GRIK1: variants seen among roughly 807,000 people sequenced by gnomAD.
GRIK1 encodes the protein glutamate ionotropic receptor kainate type subunit 1.
Under a neutral mutation model 105.7 loss-of-function variants are expected in GRIK1, and 69 were observed. That is an observed-to-expected ratio of 0.65 (90% CI 0.54 to 0.80). The LOEUF (loss-of-function observed/expected upper bound fraction) is 0.80. GRIK1 is among the 30% of genes least tolerant of loss of function. The pLI, the probability that GRIK1 is intolerant of heterozygous loss-of-function variation, is 0.00. For synonymous variants in GRIK1, 438 were observed against 431.3 expected, an observed-to-expected ratio of 1.02 and a Z score of -0.19; for missense variants, 1,109 against 1,167.3, an observed-to-expected ratio of 0.95 and a Z score of 0.73.
At chr21:29,817,656 T>C (rs948358157) in intron 1 of GRIK1, among the ~76,000 whole-genome samples, 1 of 152,074 alleles carries the variant, frequency 6.6e-6, no homozygotes, top group African/African-American at 2.4e-5. Flanking sequence ...TACACATTCA[T>C]AGGGGTCATG....
chr21:29,821,368 A>G (rs1233076649), intron 1 of GRIK1, among the ~76,000 whole-genome samples: 4 of 152,104 alleles, frequency 2.6e-5, no homozygotes, highest in African/African-American at 9.7e-5. Context: ...CAAGCAATTC[A>G]ACTTTTTCTT....
chr21:29,762,577 C>T (rs2065555435), intron 1 of GRIK1, among the ~76,000 whole-genome samples: 1 of 152,156 alleles, frequency 6.6e-6, no homozygotes, highest in Non-Finnish European at 1.5e-5. Flanking sequence ...TTTTCAGGGG[C>T]TCATGCTTGC....
intron 7 of GRIK1, among the ~76,000 whole-genome samples, chr21:29,623,356 A>G (rs12106431): frequency 0.28 from 42,654 of 151,892 alleles, 7,879 homozygotes; most frequent in African/African-American, 0.53. Context: ...AATTATGGAA[A>G]CTATAATTCG....
At chr21:29,749,019 A>G (rs2065115058) in intron 1 of GRIK1, 1 of 152,220 alleles carries the variant, frequency 6.6e-6, no homozygotes, top group African/African-American at 2.4e-5. Context: ...CCTGGAAGCT[A>G]CACAAAGTCC....
intron 1 of GRIK1, among the ~76,000 whole-genome samples, chr21:29,770,545 CAG>C (rs2065789082): frequency 6.6e-6 from 1 of 152,194 alleles, no homozygotes; most frequent in Non-Finnish European, 1.5e-5. Flanking sequence ...GGCTGGAAAG[CAG>C]AGAGACTCAC....
intron 15 of GRIK1, among the ~76,000 whole-genome samples, chr21:29,560,519 C>CCTTTCTTTCTTTCTTTCTTTCTTTCTTT (rs1201508832): frequency 8.6e-5 from 5 of 57,832 alleles, no homozygotes; most frequent in East Asian, 4.4e-4. Flanking sequence ...TTCCTTCCTT[C>CCTTTCTTTCTTTCTTTCTTTCTTTCTTT]CTTTCTTTCT....
At chr21:29,919,382 G>C (rs544058525) in intron 1 of GRIK1, among the ~76,000 whole-genome samples, 10 of 152,216 alleles carry the variant, frequency 6.6e-5, no homozygotes. Context: ...AGCATGGTTT[G>C]AGTGATTTCA....
intron 7 of GRIK1, among the ~76,000 whole-genome samples, chr21:29,599,584 C>T (rs2061479639): frequency 6.6e-6 from 1 of 152,120 alleles, no homozygotes; most frequent in Admixed American, 6.5e-5. Context: ...CGAGGGAAGA[C>T]CCTATTCTTT....
At position 29,646,689 on chromosome 21, in the gene GRIK1, A is replaced by C. The variant is rs184730865; in HGVS notation, c.955-3720T>G. Among the ~76,000 whole-genome samples the C allele has an allele frequency of 1.5e-4, 23 of 152,312 alleles. No homozygotes were observed. In the East Asian group the frequency reaches 4.4e-3, roughly 29 times the overall value. ...GCTGGAGGAGATTGGGGTGCTGAAGAGAGACCTAATATTCAGAGATCAAAT... is the reference window on the plus strand; with the variant it reads ...GCTGGAGGAGATTGGGGTGCTGAAGCGAGACCTAATATTCAGAGATCAAAT... On this transcript the variant is annotated intron_variant, in intron 6 of 17. Transcript: ENST00000327783.
chr21:29,938,355 T>G (rs1330812611), intron 1 of GRIK1, among the ~76,000 whole-genome samples: 2 of 152,216 alleles, frequency 1.3e-5, no homozygotes, highest in African/African-American at 4.8e-5. Context: ...TGTGGCTCCC[T>G]CTGTGACCGT....
chr21:29,625,434 C>T (rs2062103097), intron 7 of GRIK1, among the ~76,000 whole-genome samples: 1 of 152,070 alleles, frequency 6.6e-6, no homozygotes, highest in African/African-American at 2.4e-5. Context: ...TCTGCTGATA[C>T]CATTTAACCT....
At chr21:29,834,906 G>T (rs1325568337) in intron 1 of GRIK1, among the ~76,000 whole-genome samples, 4 of 149,604 alleles carry the variant, frequency 2.7e-5, no homozygotes, top group Non-Finnish European at 5.9e-5. Flanking sequence ...GTACTGGAGG[G>T]TTTTTTGTAT....
At chr21:29,889,403 G>C (rs2069807329) in intron 1 of GRIK1, among the ~76,000 whole-genome samples, 1 of 151,972 alleles carries the variant, frequency 6.6e-6, no homozygotes, top group Non-Finnish European at 1.5e-5. Flanking sequence ...TCCTACTGTG[G>C]TTCACTCCAT....
intron 15 of GRIK1, 96 bp from the exon 16 acceptor site, chr21:29,555,398 G>T: frequency 8.8e-7 from 1 of 1,132,110 alleles, no homozygotes; most frequent in Non-Finnish European, 1.3e-6. Flanking sequence ...CTATGTTACG[G>T]CTGTTGTGAG....
rs200139967 is a variant in GRIK1, at chr21:29,620,770, C to CATATAT, written c.1099-21839_1099-21834dup. Among the ~76,000 whole-genome samples the CATATAT allele has an allele frequency of 9.4e-3, 1,102 of 117,244 alleles. 20 individuals carry two copies. Among genetic ancestry groups the CATATAT allele is most frequent in the African/African-American group, 0.04 (999 of 25,172 alleles). The allele number at this position is 117,244 out of a possible 152,430, so 76.9% of individuals were successfully genotyped here. A position where few individuals can be genotyped will look rare whatever the true frequency, so the allele number is the denominator to read the frequency against. On this transcript the variant is annotated intron_variant, in intron 7 of 17. Transcript: ENST00000327783. ...TAAGTTACATAAATGGTATGAAAGT[C>CATATAT]ATATATATATAGATATATATATCTA... is the stretch of plus-strand genomic sequence containing the variant.
intron 1 of GRIK1, among the ~76,000 whole-genome samples, chr21:29,789,504 A>T (rs1361942505): frequency 6.6e-6 from 1 of 151,418 alleles, no homozygotes; most frequent in Admixed American, 6.6e-5. Flanking sequence ...TGCTCTCCCC[A>T]CTCCCCCATA....
intron 7 of GRIK1, among the ~76,000 whole-genome samples, chr21:29,618,215 C>T (rs950963476): frequency 1.3e-5 from 2 of 152,182 alleles, no homozygotes; most frequent in African/African-American, 2.4e-5. Context: ...TGCATGAAAT[C>T]GATTGCTTAC....
intron 1 of GRIK1, among the ~76,000 whole-genome samples, chr21:29,936,086 C>G (rs1295022806): frequency 6.6e-6 from 1 of 152,136 alleles, no homozygotes; most frequent in East Asian, 1.9e-4. Flanking sequence ...CCTGGTAAGA[C>G]TAAATAACCC....
chr21:29,837,539 TG>T (rs1249733983), intron 1 of GRIK1, among the ~76,000 whole-genome samples: 1 of 151,866 alleles, frequency 6.6e-6, no homozygotes, highest in Non-Finnish European at 1.5e-5. Context: ...CAACCACCAA[TG>T]GGGGGGAATG....
Sources: allele counts gnomAD v4.1 joint callset (sites outside exome capture counted in the v4.1 genomes callset), GRCh38; gene constraint gnomAD v4.1.1; transcripts MANE v1.5; gene names NCBI Gene and HGNC (gene_info 2026-07-23, HGNC 2026-07-21).